The following PLPPR1 variants were observed in gnomAD, a reference collection of about 807,000 sequenced individuals.
PLPPR1 encodes phospholipid phosphatase related 1.
PLPPR1 carries 10 observed loss-of-function variants against 33.1 expected under a neutral mutation model. The observed-to-expected ratio is 0.30, with a 90% CI of 0.19 to 0.51. PLPPR1 has a LOEUF of 0.51. Among genes scored for constraint, PLPPR1 ranks in the 20% least tolerant of loss-of-function variants. The pLI is 0.97. For missense variants in PLPPR1, 304 were observed against 408.1 expected (o/e 0.74, Z 2.20); for synonymous variants, 151 against 151.0 (o/e 1.00, Z 0.00).
intron 1 of PLPPR1, among the ~76,000 whole-genome samples, chr9:101,083,313 G>A (rs2118515874): frequency 6.6e-6 from 1 of 151,678 alleles, no homozygotes; most frequent in Non-Finnish European, 1.5e-5. Flanking sequence ...TGTCAACCTG[G>A]GAGGTGGAGG....
At chr9:101,252,182 T>A (rs1827724971) in intron 2 of PLPPR1, among the ~76,000 whole-genome samples, 1 of 152,166 alleles carries the variant, frequency 6.6e-6, no homozygotes, top group African/African-American at 2.4e-5. Context: ...ATTCCATCCA[T>A]CAGCTGCACT....
chr9:101,249,113 G>A lies in PLPPR1; in HGVS notation c.64-20767G>A, dbSNP rs185939947. Among the ~76,000 whole-genome samples the A allele has an allele frequency of 4.6e-5, 7 of 152,104 alleles. No homozygotes were observed. In the East Asian group the frequency reaches 1.2e-3, roughly 25 times the overall value. On this transcript the variant is annotated intron_variant, in intron 2 of 7. Coordinates refer to ENST00000374874, the MANE Select transcript of PLPPR1 (RefSeq NM_207299.2). Reference sequence around the variant, plus strand: ...CAACACTATTAGGTGACAGATTTGGGGATTTATCTGTAGCAAAAGATAGCC... The same window carrying A: ...CAACACTATTAGGTGACAGATTTGGAGATTTATCTGTAGCAAAAGATAGCC...
At chr9:101,144,016 A>G (rs972496364) in intron 1 of PLPPR1, among the ~76,000 whole-genome samples, 3 of 152,034 alleles carry the variant, frequency 2.0e-5, no homozygotes, top group Admixed American at 6.6e-5. Context: ...AATAGCAAAG[A>G]CTTGGTCTAT....
chr9:101,079,725 G>A (rs933141174), intron 1 of PLPPR1, among the ~76,000 whole-genome samples: 1 of 151,952 alleles, frequency 6.6e-6, no homozygotes, highest in Non-Finnish European at 1.5e-5. Context: ...GATTACAGGT[G>A]TGCGCCACAA....
chr9:101,284,544 T>A (rs888832013), intron 3 of PLPPR1, among the ~76,000 whole-genome samples: 1 of 152,204 alleles, frequency 6.6e-6, no homozygotes, highest in East Asian at 1.9e-4. Flanking sequence ...TGTAAGATCA[T>A]GCATATGTTA....
intron 3 of PLPPR1, among the ~76,000 whole-genome samples, chr9:101,270,636 C>A (rs1203380586): frequency 2.0e-5 from 3 of 152,200 alleles, no homozygotes; most frequent in African/African-American, 7.2e-5. Context: ...TCATATATTT[C>A]ATTTTCCCTT....
At chr9:101,189,532 G>GGTTA (rs1462434320) in intron 2 of PLPPR1, among the ~76,000 whole-genome samples, 1 of 151,964 alleles carries the variant, frequency 6.6e-6, no homozygotes, top group Non-Finnish European at 1.5e-5. Flanking sequence ...TGAGTTGGGG[G>GGTTA]GTTAAATCCT....
At chr9:101,192,328 ACT>A (rs1826310378) in intron 2 of PLPPR1, among the ~76,000 whole-genome samples, 2 of 152,020 alleles carry the variant, frequency 1.3e-5, no homozygotes, top group East Asian at 3.9e-4. Context: ...CTTTTTAAAA[ACT>A]CTGCTAGATC....
intron 1 of PLPPR1, among the ~76,000 whole-genome samples, chr9:101,181,755 A>ACAC (rs72548326): frequency 0.015 from 1,558 of 101,236 alleles, 12 homozygotes; most frequent in Middle Eastern, 0.027. Context: ...ACACACACAC[A>ACAC]ACACACATAC....
intron 2 of PLPPR1, among the ~76,000 whole-genome samples, chr9:101,186,850 A>G (rs1826213665): frequency 6.6e-6 from 1 of 151,914 alleles, no homozygotes; most frequent in Non-Finnish European, 1.5e-5. Context: ...AGAAGGTTGG[A>G]ACAGAGATGT....
chr9:101,244,749 T>C (rs1299660025), intron 2 of PLPPR1, among the ~76,000 whole-genome samples: 1 of 151,776 alleles, frequency 6.6e-6, no homozygotes, highest in Non-Finnish European at 1.5e-5. Context: ...AACCAAAAAT[T>C]TTTATTCATT....
intron 2 of PLPPR1, among the ~76,000 whole-genome samples, chr9:101,243,961 TG>T (rs1208208396): frequency 1.3e-5 from 2 of 151,764 alleles, no homozygotes; most frequent in Non-Finnish European, 2.9e-5. Flanking sequence ...CATGACCATT[TG>T]AGGTGTGCAC....
intron 2 of PLPPR1, among the ~76,000 whole-genome samples, chr9:101,208,781 G>T (rs759231719): frequency 6.6e-6 from 1 of 152,162 alleles, no homozygotes; most frequent in East Asian, 1.9e-4. Flanking sequence ...CTAATTCATT[G>T]TAATTTGGTA....
At chr9:101,037,445 T>C (rs796150025) in intron 1 of PLPPR1, among the ~76,000 whole-genome samples, 4 of 152,236 alleles carry the variant, frequency 2.6e-5, no homozygotes, top group African/African-American at 7.2e-5. Flanking sequence ...GTCGAGGGGT[T>C]CTGGGGTGCC....
rs542904245 is a variant in PLPPR1 at position 101,220,968 on chromosome 9, A to G, written c.63+35411A>G. Among the ~76,000 whole-genome samples, 10 of 152,332 alleles carry G rather than the reference A, an allele frequency of 6.6e-5. No individual in the cohort carries two copies. In the East Asian group the frequency reaches 1.9e-3, roughly 29 times the overall value. On this transcript the variant is annotated intron_variant, in intron 2 of 7. Coordinates refer to ENST00000374874, the MANE Select transcript of PLPPR1 (RefSeq NM_207299.2). ...AGATGAAGAAATGGATGCTGGGTTG[A>G]GGACAAATAACATGCTTCTACACCA...
At chr9:101,306,378 G>C (rs1304358477) in intron 4 of PLPPR1, among the ~76,000 whole-genome samples, 1 of 152,200 alleles carries the variant, frequency 6.6e-6, no homozygotes, top group Non-Finnish European at 1.5e-5. Flanking sequence ...AACAGGCAGG[G>C]CTTCAGCTCC....
intron 1 of PLPPR1, among the ~76,000 whole-genome samples, chr9:101,042,290 C>T (rs976238422): frequency 6.6e-6 from 1 of 152,202 alleles, no homozygotes; most frequent in Admixed American, 6.5e-5. Context: ...TCTCCACTCA[C>T]CTGTAAGTTT....
At chr9:101,064,467 G>C (rs145665229) in intron 1 of PLPPR1, among the ~76,000 whole-genome samples, 102 of 152,196 alleles carry the variant, frequency 6.7e-4, no homozygotes, top group African/African-American at 2.4e-3. Context: ...AGTGGTGCCA[G>C]AGCAAACACA....
intron 1 of PLPPR1, among the ~76,000 whole-genome samples, chr9:101,077,409 T>A (rs564176440): frequency 8.5e-5 from 13 of 152,360 alleles, no homozygotes; most frequent in South Asian, 6.2e-4. Context: ...TTGTTTTCTT[T>A]GTTTTCTTTT....
Sources: gnomAD v4.1 joint callset for allele counts (sites outside exome capture counted in the v4.1 genomes callset) on GRCh38, gnomAD v4.1.1 for gene constraint, MANE v1.5 for transcripts, NCBI Gene and HGNC (gene_info 2026-07-23, HGNC 2026-07-21) for gene names.